The following ABHD2 variants were observed in gnomAD, a reference collection of about 807,000 sequenced individuals.
ABHD2 encodes the protein monoacylglycerol lipase ABHD2.
ABHD2 carries 20 observed loss-of-function variants against 48.1 expected under a neutral mutation model. The ratio of observed to expected loss-of-function variants is 0.42; its 90% CI spans 0.29 to 0.60. The LOEUF (loss-of-function observed/expected upper bound fraction) is 0.60. Among genes scored for constraint, ABHD2 ranks in the 20% least tolerant of loss-of-function variants. ABHD2 has a pLI of 0.24. For missense variants in ABHD2, 405 were observed against 550.9 expected (o/e 0.74, Z 2.65); for synonymous variants, 209 against 214.2 (o/e 0.98, Z 0.21).
At position 89,120,040 on chromosome 15, in the gene ABHD2, C is replaced by T. The variant is rs2050023457; in HGVS notation, c.194+3519C>T. Among the ~76,000 whole-genome samples the T allele has an allele frequency of 6.6e-6, 1 of 152,088 alleles. No individual in the cohort carries two copies. Among genetic ancestry groups the T allele is most frequent in the African/African-American group, 2.4e-5 (1 of 41,398 alleles). On this transcript the variant is annotated intron_variant, in intron 3 of 10. Transcript: ENST00000352732. The surrounding 1 kb of genome is among the most constrained non-coding windows in gnomAD (Gnocchi z 4.2). The stretch of plus-strand genomic sequence containing the variant: ...GCGGGTAGCTGGTTATGATGACATG[C>T]GCGGAATCAGGACGTGTCTTCTTAC...
At chr15:89,161,549 C>G (rs766459947) in intron 5 of ABHD2, among the ~76,000 whole-genome samples, 2 of 152,094 alleles carry the variant, frequency 1.3e-5, no homozygotes, top group African/African-American at 2.4e-5. Flanking sequence ...TATAAGCACC[C>G]GCCACCACAC....
At chr15:89,098,754 A>G (rs758920316) in intron 1 of ABHD2, among the ~76,000 whole-genome samples, 2 of 152,318 alleles carry the variant, frequency 1.3e-5, no homozygotes, top group South Asian at 4.1e-4. Context: ...CTTTCCCTCC[A>G]TCTATCATTA....
chr15:89,195,426 C>G lies in ABHD2; in HGVS notation c.*3C>G, dbSNP rs756313304. The G allele has an allele frequency of 2.7e-5, 43 of 1,611,826 alleles. No homozygotes were observed. Among genetic ancestry groups the G allele is most frequent in the Non-Finnish European group, 3.2e-5 (38 of 1,179,276 alleles). ...AGGTGGAGGCCGACCTGGAGTGAGG[C>G]CTCCGGACTCTGGCACGCTCCAGCA... On this transcript the variant is annotated 3_prime_UTR_variant, in exon 11 of 11. Coordinates refer to ENST00000352732, the MANE Select transcript of ABHD2 (RefSeq NM_152924.5). This position sits in a 1 kb window ranked among gnomAD's most constrained non-coding sequence, Gnocchi z 5.1.
chr15:89,155,722 G>A lies in ABHD2; in HGVS notation c.538+188G>A, dbSNP rs924605216. Among the ~76,000 whole-genome samples, 1 of 152,200 alleles carries A rather than the reference G, an allele frequency of 6.6e-6. No individual in the cohort carries two copies. The highest frequency in any genetic ancestry group is 1.5e-5 in the Non-Finnish European group (1 of 68,040). On this transcript the variant is annotated intron_variant, in intron 5 of 10. Transcript: ENST00000352732. This position sits in a 1 kb window ranked among gnomAD's most constrained non-coding sequence, Gnocchi z 4.9. Reference sequence around the variant, plus strand: ...TGCCATGCCTCACACCAGCCTTTGAGATGGGCACTATAACCACCCTCACAG... The same window carrying A: ...TGCCATGCCTCACACCAGCCTTTGAAATGGGCACTATAACCACCCTCACAG...
intron 3 of ABHD2, among the ~76,000 whole-genome samples, chr15:89,118,096 T>G (rs1214150289): frequency 1.3e-5 from 2 of 152,198 alleles, no homozygotes; most frequent in African/African-American, 2.4e-5. Context: ...TGTTTGCAGT[T>G]AAAAATCAGC....
intron 3 of ABHD2, among the ~76,000 whole-genome samples, chr15:89,147,335 G>A (rs1043836336): frequency 1.3e-5 from 2 of 149,746 alleles, no homozygotes; most frequent in Non-Finnish European, 3.0e-5. Context: ...GTTTATAATT[G>A]GGTATTGCAT....
chr15:89,174,970 C>G lies in ABHD2; in HGVS notation c.539-842C>G, dbSNP rs907533845. Among the ~76,000 whole-genome samples the G allele has an allele frequency of 2.6e-5, 4 of 152,198 alleles. No individual in the cohort carries two copies. The highest frequency in any genetic ancestry group is 4.4e-5 in the Non-Finnish European group (3 of 68,040). ...CTCATCTGTGTATTTTTGAATGAGC[C>G]TGCCTCCCTTGGCACCCTGTCCCTA... On this transcript the variant is annotated intron_variant, in intron 5 of 10. Coordinates refer to ENST00000352732, the MANE Select transcript of ABHD2 (RefSeq NM_152924.5). This position sits in a 1 kb window ranked among gnomAD's most constrained non-coding sequence, Gnocchi z 4.1.
At chr15:89,135,162 G>GCAATTA (rs1286834860) in intron 3 of ABHD2, among the ~76,000 whole-genome samples, 1 of 40,032 alleles carries the variant, frequency 2.5e-5, no homozygotes, top group Non-Finnish European at 5.4e-5. Flanking sequence ...TTTTTTTTTT[G>GCAATTA]CAATTACAGA....
At chr15:89,125,130 C>A (rs2150832257) in intron 3 of ABHD2, among the ~76,000 whole-genome samples, 1 of 151,846 alleles carries the variant, frequency 6.6e-6, no homozygotes, top group African/African-American at 2.4e-5. Context: ...GTGGCACATG[C>A]CTGTAGTCCC....
chr15:89,066,600 C>T, the ABHD2 span, among the ~76,000 whole-genome samples: 3 of 152,272 alleles, frequency 2.0e-5, no homozygotes, highest in Admixed American at 2.0e-4. Flanking sequence ...ATCCTTGTCA[C>T]CAAGGCATTC....
rs553934062 is a variant in ABHD2 at position 89,184,409 on chromosome 15, C to T, written c.723-1015C>T. Among the ~76,000 whole-genome samples, 6 of 152,336 alleles carry T rather than the reference C, an allele frequency of 3.9e-5. No individual in the cohort carries two copies. Among genetic ancestry groups the T allele is most frequent in the African/African-American group, 1.4e-4 (6 of 41,572 alleles). ...AGATGGAACCTAGTAGAAGTAGTGACGTCCAGATCCATTCACAGGGTGGAG... is the reference window on the plus strand; with the variant it reads ...AGATGGAACCTAGTAGAAGTAGTGATGTCCAGATCCATTCACAGGGTGGAG... On this transcript the variant is annotated intron_variant, in intron 6 of 10. Transcript: ENST00000352732. This position sits in a 1 kb window ranked among gnomAD's most constrained non-coding sequence, Gnocchi z 5.1.
chr15:89,113,263 C>T (rs1307044186), intron 1 of ABHD2, among the ~76,000 whole-genome samples: 1 of 152,228 alleles, frequency 6.6e-6, no homozygotes, highest in East Asian at 1.9e-4. Flanking sequence ...TTGAGCCCAT[C>T]TGTGCCCTAT....
chr15:89,111,947 A>G (rs1018276637), intron 1 of ABHD2, among the ~76,000 whole-genome samples: 1 of 151,956 alleles, frequency 6.6e-6, no homozygotes, highest in African/African-American at 2.4e-5. Flanking sequence ...TTATTTATAT[A>G]TATATATATT....
In ABHD2 at chr15:89,137,021, G is replaced by A. The variant is rs1162738025; in HGVS notation, c.195-14656G>A. On this transcript the variant is annotated intron_variant, in intron 3 of 10. Coordinates refer to ENST00000352732, the MANE Select transcript of ABHD2 (RefSeq NM_152924.5). This position sits in a 1 kb window ranked among gnomAD's most constrained non-coding sequence, Gnocchi z 4.8. ...AGTGAGTCTGGGAACTTTGCACTTA[G>A]CACCTTGGCAGCCCAGGTCTGGGAA... Among the ~76,000 whole-genome samples the A allele has an allele frequency of 2.6e-5, 4 of 152,236 alleles. No homozygotes were observed. The highest frequency in any genetic ancestry group is 5.9e-5 in the Non-Finnish European group (4 of 68,044).
At chr15:89,080,617 G>T in the ABHD2 span, among the ~76,000 whole-genome samples, 2 of 152,140 alleles carry the variant, frequency 1.3e-5, no homozygotes, top group African/African-American at 4.8e-5. Flanking sequence ...CCAGCAGTTG[G>T]TGGAGGCTAA....
At chr15:89,187,569 T>C (rs2051231517) in intron 7 of ABHD2, among the ~76,000 whole-genome samples, 1 of 152,226 alleles carries the variant, frequency 6.6e-6, no homozygotes. Flanking sequence ...ATGCACGTTG[T>C]GACCCCTACC....
intron 10 of ABHD2, 29 bp downstream of exon 10, chr15:89,193,348 A>T: frequency 6.3e-7 from 1 of 1,577,692 alleles, no homozygotes; most frequent in Non-Finnish European, 8.7e-7. Flanking sequence ...TGCCCTCTCA[A>T]CAGCTCAGCA....
In ABHD2 at chr15:89,186,918, T is replaced by G. The variant is rs757295650; in HGVS notation, c.816-1275T>G. On this transcript the variant is annotated intron_variant, in intron 7 of 10. Transcript: ENST00000352732. This position sits in a 1 kb window ranked among gnomAD's most constrained non-coding sequence, Gnocchi z 4.3. ...CATCAGGCTGCCACGTTGCCAAACA[T>G]GTCCTTGTGTCCTCGTGTCTGGAAG... is the stretch of plus-strand genomic sequence containing the variant. Among the ~76,000 whole-genome samples the G allele has an allele frequency of 5.9e-5, 9 of 152,208 alleles. No individual in the cohort carries two copies. Among genetic ancestry groups the G allele is most frequent in the Non-Finnish European group, 1.0e-4 (7 of 68,030 alleles).
rs1010018565 is a variant in ABHD2, at chr15:89,164,380, C to T, written c.538+8846C>T. Reference sequence around the variant, plus strand: ...TTAATCTCCTCCATCTAGTGTATCACTTAGAGAGAGATGGTCAGGAAAGGC... The same window carrying T: ...TTAATCTCCTCCATCTAGTGTATCATTTAGAGAGAGATGGTCAGGAAAGGC... On this transcript the variant is annotated intron_variant, in intron 5 of 10. Coordinates refer to ENST00000352732, the MANE Select transcript of ABHD2 (RefSeq NM_152924.5). This position sits in a 1 kb window ranked among gnomAD's most constrained non-coding sequence, Gnocchi z 5.0. 1.1e-4 allele frequency among the ~76,000 whole-genome samples: 17 copies of T among 152,128 alleles called. No homozygotes were observed. The highest frequency in any genetic ancestry group is 2.4e-4 in the Non-Finnish European group (16 of 68,024).
Sources: gnomAD v4.1 joint callset for allele counts (sites outside exome capture counted in the v4.1 genomes callset) on GRCh38, gnomAD v4.1.1 for gene constraint, Gnocchi (gnomAD v3.1) non-coding constraint, MANE v1.5 for transcripts, NCBI Gene and HGNC (gene_info 2026-07-23, HGNC 2026-07-21) for gene names.